The following CSMD2 variants were observed in gnomAD, a reference collection of about 807,000 sequenced individuals.
The protein encoded by CSMD2 is CUB and Sushi multiple domains 2, also known as CUB and sushi domain-containing protein 2.
In CSMD2, 130 loss-of-function variants were observed where a neutral mutation model predicts 398.5. The ratio of observed to expected loss-of-function variants is 0.33; its 90% CI spans 0.28 to 0.38. CSMD2 has a LOEUF of 0.38. CSMD2 is among the 10% of genes least tolerant of loss of function. CSMD2 has a pLI of 1.00. For synonymous variants in CSMD2, 1,828 were observed against 1,908.5 expected (o/e 0.96, Z 1.10); for missense variants, 3,829 against 4,764.9 (o/e 0.80, Z 5.78).
chr1:33,578,803 C>T (rs1638481027), intron 48 of CSMD2, among the ~76,000 whole-genome samples: 1 of 152,102 alleles, frequency 6.6e-6, no homozygotes, highest in Non-Finnish European at 1.5e-5. Flanking sequence ...TTACAGCCAC[C>T]CCTGGTGAGG....
In CSMD2 at chr1:33,577,426, G is replaced by C; in HGVS notation, c.7446C>G (p.Ser2482Arg). The change falls in exon 49 of 71, where the codon AGC (serine) becomes AGG (arginine). Residue 2482 changes from serine (S) to arginine (R), a missense_variant. Physicochemically the swap from Ser to Arg is moderately radical, Grantham distance 110. Around this residue, in one of 5 missense-constraint regions of CSMD2, gnomAD observed 723 missense variants for 758.6 expected, o/e 0.95. Transcript: ENST00000373381. ...AGTGGATGGAGCCCCCGGGCTGGGT[G>C]CTGGTCTGGCCTAGGATGAAGCCAT... ...PLHGFILGQTSTQPGGSIHFG... is the reference protein window; with the variant it reads ...PLHGFILGQTRTQPGGSIHFG... The C allele has an allele frequency of 6.2e-7, 1 of 1,614,140 alleles. No homozygotes were observed. The highest frequency in any genetic ancestry group is 8.5e-7 in the Non-Finnish European group (1 of 1,180,012).
intron 54 of CSMD2, among the ~76,000 whole-genome samples, chr1:33,558,650 G>T (rs1658265446): frequency 6.6e-6 from 1 of 152,162 alleles, no homozygotes; most frequent in African/African-American, 2.4e-5. Context: ...GCTCTCTGAG[G>T]CTTCACTGCT....
rs1460377657 is a variant in CSMD2, at chr1:33,540,412, T to G, written c.9631+113A>C. On this transcript the variant is annotated intron_variant, in intron 60 of 70. Transcript: ENST00000373381. ...TAGTGTCTTTGATGAAGCTCCTCCC[T>G]GGTTTTGGGGAGGGGACTACCTATT... 4 of 1,026,778 alleles carry G rather than the reference T, an allele frequency of 3.9e-6. No individual in the cohort carries two copies. The African/African-American group carries it at 6.4e-5, about 16-fold the overall frequency. The allele number at this position is 1,026,778 out of a possible 1,614,324, so 63.6% of individuals were successfully genotyped here.
At chr1:34,120,469 C>T (rs1460063582) in intron 1 of CSMD2, among the ~76,000 whole-genome samples, 1 of 152,138 alleles carries the variant, frequency 6.6e-6, no homozygotes, top group Non-Finnish European at 1.5e-5. Flanking sequence ...AGTGAAGAAA[C>T]GAGGGGCATG....
chr1:33,534,719 T>G (rs1361583831), intron 62 of CSMD2, among the ~76,000 whole-genome samples: 1 of 152,252 alleles, frequency 6.6e-6, no homozygotes, highest in Non-Finnish European at 1.5e-5. Context: ...CACTCCCTTC[T>G]TCCATGCTGA....
At chr1:33,643,565 T>C (rs1406211784) in intron 29 of CSMD2, among the ~76,000 whole-genome samples, 1 of 152,110 alleles carries the variant, frequency 6.6e-6, no homozygotes, top group Non-Finnish European at 1.5e-5. Flanking sequence ...TCACAACAAC[T>C]CCTTCGTTTA....
At chr1:33,641,673 C>T (rs901624608) in intron 29 of CSMD2, among the ~76,000 whole-genome samples, 2 of 152,212 alleles carry the variant, frequency 1.3e-5, no homozygotes, top group African/African-American at 2.4e-5. Flanking sequence ...ATGACTAAGA[C>T]ACTACAGTCA....
At chr1:33,911,544 C>T (rs1287557468) in intron 5 of CSMD2, among the ~76,000 whole-genome samples, 1 of 151,860 alleles carries the variant, frequency 6.6e-6, no homozygotes, top group East Asian at 1.9e-4. Flanking sequence ...CCTACAAAAA[C>T]AAAAGCAAAT....
In CSMD2 at chr1:34,108,283, GA is replaced by G. The variant is rs35422925; in HGVS notation, c.188-19091del. Among the ~76,000 whole-genome samples, 912 of 133,166 alleles carry G rather than the reference GA, an allele frequency of 6.8e-3. 14 individuals carry two copies. Among genetic ancestry groups the G allele is most frequent in the African/African-American group, 0.023 (860 of 36,884 alleles). 87.4% of individuals were successfully genotyped at this position (133,166 alleles called of 152,430 possible). On this transcript the variant is annotated intron_variant, in intron 1 of 70. Coordinates refer to ENST00000373381, the MANE Select transcript of CSMD2 (RefSeq NM_001281956.2). ...AAACAAAACCCTAATGAGAGAGAGA[GA>G]AAAAAAAACCCAAAACCCTAACATA...
chr1:33,706,567 G>A (rs1645784814), intron 22 of CSMD2, among the ~76,000 whole-genome samples: 3 of 152,138 alleles, frequency 2.0e-5, no homozygotes, highest in South Asian at 4.1e-4. Context: ...GGGGCAATTA[G>A]CTCTGATTCC....
intron 3 of CSMD2, among the ~76,000 whole-genome samples, chr1:33,938,288 T>C (rs541969618): frequency 3.9e-5 from 6 of 152,368 alleles, no homozygotes; most frequent in African/African-American, 1.2e-4. Context: ...CCTGTGCTGC[T>C]GGCTTACTTA....
At chr1:34,076,928 A>AAAT (rs1232288848) in intron 2 of CSMD2, among the ~76,000 whole-genome samples, 5 of 53,596 alleles carry the variant, frequency 9.3e-5, no homozygotes, top group East Asian at 5.5e-4. Context: ...AAAAAAAAAA[A>AAAT]ATATATATAT....
At chr1:33,596,659 T>G (rs549082926) in intron 44 of CSMD2, among the ~76,000 whole-genome samples, 1 of 152,224 alleles carries the variant, frequency 6.6e-6, no homozygotes, top group South Asian at 2.1e-4. Context: ...GGGAAGCCCC[T>G]TATAAAACCA....
intron 9 of CSMD2, among the ~76,000 whole-genome samples, chr1:33,816,479 C>A (rs1657476228): frequency 1.3e-5 from 2 of 152,120 alleles, no homozygotes; most frequent in African/African-American, 4.8e-5. Context: ...ATCCCCTGAC[C>A]CAACTTTAAT....
intron 3 of CSMD2, among the ~76,000 whole-genome samples, chr1:34,014,764 G>T (rs1008171534): frequency 6.6e-6 from 1 of 152,270 alleles, no homozygotes; most frequent in Non-Finnish European, 1.5e-5. Flanking sequence ...ATGAATGGAT[G>T]GATGGGTAGA....
chr1:33,523,567 T>TGTA, intron 66 of CSMD2, 148 bp from the exon 67 acceptor site: 2 of 592,720 alleles, frequency 3.4e-6, no homozygotes, highest in South Asian at 4.3e-5. Context: ...AAGTCGTAAG[T>TGTA]GTAGTGTTGA....
chr1:33,940,795 C>T (rs934945831), intron 3 of CSMD2, among the ~76,000 whole-genome samples: 3 of 152,200 alleles, frequency 2.0e-5, no homozygotes, highest in African/African-American at 7.2e-5. Flanking sequence ...AGAGAGATTA[C>T]CCGACTGTCC....
At chr1:33,643,622 G>A (rs1643236970) in intron 29 of CSMD2, among the ~76,000 whole-genome samples, 1 of 152,202 alleles carries the variant, frequency 6.6e-6, no homozygotes, top group African/African-American at 2.4e-5. Context: ...GCTCAGAGGA[G>A]TTAGGCAACT....
rs1309621895 is a variant in CSMD2 at position 33,743,496 on chromosome 1, C to G, written c.1957G>C (p.Glu653Gln). The G allele has an allele frequency of 1.9e-6, 3 of 1,613,968 alleles. No individual in the cohort carries two copies. The highest frequency in any genetic ancestry group is 4.5e-5 in the East Asian group (2 of 44,880). ...HCVWLILARP[E>Q]SRIHLAFNDI... ...TTGAAGGCCAGGTGGATGCGGCTCT[C>G]AGGCCTGGCCAGGATGAGCCAGACA... is the stretch of plus-strand genomic sequence containing the variant. Residue 653 changes from glutamate to glutamine, a missense_variant, in exon 14 of 71, where the codon GAG becomes CAG. By Grantham distance (29) the Glu-to-Gln change is conservative. Transcript: ENST00000373381.
Sources: allele counts gnomAD v4.1 joint callset (sites outside exome capture counted in the v4.1 genomes callset), GRCh38; gene constraint gnomAD v4.1.1; regional missense constraint gnomAD v4.1.1; transcripts MANE v1.5; gene names NCBI Gene and HGNC (gene_info 2026-07-23, HGNC 2026-07-21).